Variants in UBE3C observed in about 807,000 individuals in gnomAD.
UBE3C encodes ubiquitin protein ligase E3C.
A neutral mutation model predicts 129.4 loss-of-function variants in UBE3C; 42 were observed. The ratio of observed to expected loss-of-function variants is 0.32; its 90% confidence interval spans 0.25 to 0.42. The LOEUF (loss-of-function observed/expected upper bound fraction) is 0.42, where lower values mean the gene tolerates loss of function less well. UBE3C is among the 10% of genes least tolerant of loss of function. The probability of loss-of-function intolerance (pLI) is 1.00; values close to 1 mark genes in which losing one functional copy is unlikely to be tolerated. For synonymous variants in UBE3C, 510 were observed against 492.4 expected, an observed-to-expected ratio of 1.04 and a Z score of -0.47; for missense variants, 1,049 against 1,319.1, an observed-to-expected ratio of 0.80 and a Z score of 3.17.
At chr7:157,201,865 T>A (rs926868131) in intron 11 of UBE3C, 58 bp downstream of exon 11, 1 of 1,445,248 alleles carries the variant, frequency 6.9e-7, no homozygotes, top group Non-Finnish European at 9.6e-7. Flanking sequence ...GGCAGCCTAA[T>A]CAAAAATGTT....
At chr7:157,221,191 T>A (rs1319774567) in intron 15 of UBE3C, 2 of 166,006 alleles carry the variant, frequency 1.2e-5, no homozygotes, top group African/African-American at 4.7e-5. Context: ...ATTTTTTCTG[T>A]CTCTGGGAAT....
At chr7:157,257,742 C>CAA (rs11436417) in intron 22 of UBE3C, among the ~76,000 whole-genome samples, 13,714 of 94,220 alleles carry the variant, frequency 0.15, 1,327 homozygotes, top group African/African-American at 0.2. Flanking sequence ...ACCCTGTCTC[C>CAA]AAAAAAAAAA....
At chr7:157,166,713 C>T (rs1808224217) in intron 2 of UBE3C, among the ~76,000 whole-genome samples, 1 of 145,434 alleles carries the variant, frequency 6.9e-6, no homozygotes, top group African/African-American at 2.6e-5. Flanking sequence ...GCACTCCAGC[C>T]TGGAGTGAAA....
At chr7:157,149,864 T>TA (rs1206038134) in intron 1 of UBE3C, among the ~76,000 whole-genome samples, 2 of 152,200 alleles carry the variant, frequency 1.3e-5, no homozygotes, top group Non-Finnish European at 2.9e-5. Flanking sequence ...CCCTGTTTTT[T>TA]ACTGCCTTTA....
intron 4 of UBE3C, among the ~76,000 whole-genome samples, chr7:157,173,095 T>A (rs1808422263): frequency 6.6e-6 from 1 of 152,250 alleles, no homozygotes; most frequent in Admixed American, 6.5e-5. Context: ...AAAAGTGGGC[T>A]GGACACAGTG....
chr7:157,152,371 A>G (rs1298646748), intron 1 of UBE3C, among the ~76,000 whole-genome samples: 1 of 152,160 alleles, frequency 6.6e-6, no homozygotes, highest in African/African-American at 2.4e-5. Flanking sequence ...CGTGGGGGGC[A>G]GTTTGGGTGT....
intron 1 of UBE3C, among the ~76,000 whole-genome samples, chr7:157,153,957 A>G (rs1434256913): frequency 1.3e-5 from 2 of 152,002 alleles, no homozygotes; most frequent in Non-Finnish European, 2.9e-5. Context: ...AGACCGCGCC[A>G]CTGCACTCCA....
At chr7:157,142,043 C>T (rs940545766) in intron 1 of UBE3C, among the ~76,000 whole-genome samples, 4 of 152,176 alleles carry the variant, frequency 2.6e-5, no homozygotes, top group African/African-American at 9.7e-5. Flanking sequence ...TTTCCACATC[C>T]TTGCCAACAC....
At chr7:157,265,584 G>A (rs1283770846) in intron 22 of UBE3C, among the ~76,000 whole-genome samples, 2 of 152,156 alleles carry the variant, frequency 1.3e-5, no homozygotes, top group African/African-American at 2.4e-5. Flanking sequence ...GCAACACGTC[G>A]TGCCGCGCGT....
At chr7:157,255,699 A>T (rs1796734362) in intron 21 of UBE3C, among the ~76,000 whole-genome samples, 1 of 152,198 alleles carries the variant, frequency 6.6e-6, no homozygotes, top group Admixed American at 6.5e-5. Flanking sequence ...AATGCACTTA[A>T]GACATTTTAT....
chr7:157,186,134 C>T (rs1036978895), intron 9 of UBE3C, among the ~76,000 whole-genome samples: 2 of 151,922 alleles, frequency 1.3e-5, no homozygotes, highest in African/African-American at 4.8e-5. Flanking sequence ...TTAAAAAATT[C>T]GTTAATAGGC....
In UBE3C at chr7:157,207,914, A is replaced by G. The variant is rs1270904673; in HGVS notation, c.1788A>G (p.Lys596=). Residue 596 remains lysine (K), a synonymous_variant, in exon 13 of 23, where the codon AAA becomes AAG. Coordinates refer to ENST00000348165, the MANE Select transcript of UBE3C (RefSeq NM_014671.3). ...EMQQCIQMEQ[K]RWIQLFKVIT... ...AACAATGCATACAGATGGAACAGAA[A>G]AGATGGATTCAGTTATTTAAGGTAT... is the stretch of plus-strand genomic sequence containing the variant. 2.5e-6 allele frequency: 4 copies of G among 1,596,070 alleles called. No homozygotes were observed. The highest frequency in any genetic ancestry group is 3.4e-6 in the Non-Finnish European group (4 of 1,172,982).
rs1159864474 is a variant in UBE3C at position 157,139,437 on chromosome 7, GA to G, written c.66+100del. 5,009 of 1,166,998 alleles carry G rather than the reference GA, an allele frequency of 4.3e-3. 31 individuals are homozygous for G. The highest frequency in any genetic ancestry group is 0.018 in the South Asian group (911 of 51,204). The allele number at this position is 1,166,998 out of a possible 1,614,324, so 72.3% of individuals were successfully genotyped here. The stretch of plus-strand genomic sequence containing the variant: ...TGGACTCGGGGCTGGACTCGGGGCC[GA>G]GACTTGGGGCTGGATTCGGGGCCTC... On this transcript the variant is annotated intron_variant, in intron 1 of 22. Coordinates refer to ENST00000348165, the MANE Select transcript of UBE3C (RefSeq NM_014671.3).
chr7:157,184,108 G>A, intron 9 of UBE3C, 79 bp downstream of exon 9: 4 of 1,557,480 alleles, frequency 2.6e-6, no homozygotes, highest in Non-Finnish European at 2.6e-6. Flanking sequence ...TCCACCCGTA[G>A]TTTCAGTTAC....
intron 5 of UBE3C, among the ~76,000 whole-genome samples, chr7:157,177,767 A>C (rs1465840911): frequency 6.6e-6 from 1 of 152,144 alleles, no homozygotes; most frequent in Admixed American, 6.5e-5. Flanking sequence ...GCCTGCGGTA[A>C]GCGGATAAGC....
At chr7:157,241,466 A>G (rs572322438) in intron 18 of UBE3C, among the ~76,000 whole-genome samples, 3 of 152,366 alleles carry the variant, frequency 2.0e-5, no homozygotes, top group Non-Finnish European at 4.4e-5. Flanking sequence ...TCGTGCAAAG[A>G]TGGCCAGCAT....
At chr7:157,206,786 T>C (rs1389193435) in intron 11 of UBE3C, among the ~76,000 whole-genome samples, 1 of 110,684 alleles carries the variant, frequency 9.0e-6, no homozygotes, top group Admixed American at 8.5e-5. Context: ...TAGCTCTTGA[T>C]GGGTGAAAGG....
chr7:157,198,389 C>T, intron 10 of UBE3C: 1 of 710,252 alleles, frequency 1.4e-6, no homozygotes, highest in South Asian at 1.5e-5. Context: ...ATCCCTTTGG[C>T]TGTTTTCAAG....
chr7:157,225,788 C>CA (rs894501867), intron 17 of UBE3C, among the ~76,000 whole-genome samples: 1 of 151,916 alleles, frequency 6.6e-6, no homozygotes, highest in African/African-American at 2.4e-5. Context: ...GCCTCAACAA[C>CA]AAAAAAAGTG....
Sources: allele counts gnomAD v4.1 joint callset (sites outside exome capture counted in the v4.1 genomes callset), GRCh38; gene constraint gnomAD v4.1.1; transcripts MANE v1.5; gene names NCBI Gene and HGNC (gene_info 2026-07-23, HGNC 2026-07-21).